The following BCAR3 variants were observed in gnomAD, a reference collection of about 807,000 sequenced individuals.
BCAR3 encodes BCAR3 adaptor protein, NSP family member.
A neutral mutation model predicts 80.1 loss-of-function variants in BCAR3; 37 were observed. The ratio of observed to expected loss-of-function variants is 0.46; its 90% CI spans 0.36 to 0.61. The LOEUF is 0.61. BCAR3 is among the 20% of genes least tolerant of loss of function. The pLI is 0.00. For synonymous variants in BCAR3, 389 were observed against 418.9 expected (o/e 0.93, Z 0.87); for missense variants, 978 against 1,068.2 (o/e 0.92, Z 1.18).
intron 3 of BCAR3, among the ~76,000 whole-genome samples, chr1:93,598,440 G>C (rs1041009222): frequency 6.6e-6 from 1 of 152,104 alleles, no homozygotes; most frequent in African/African-American, 2.4e-5. Flanking sequence ...TGTGCAAATC[G>C]GCAGGAAAGA....
intron 2 of BCAR3, among the ~76,000 whole-genome samples, chr1:93,809,197 G>C (rs1653746263): frequency 6.6e-6 from 1 of 152,130 alleles, no homozygotes; most frequent in Admixed American, 6.5e-5. Context: ...TGAGAATAAT[G>C]ATTTCACTAT....
chr1:93,846,751 G>C (rs1359867369), intron 1 of BCAR3: 1 of 406,058 alleles, frequency 2.5e-6, no homozygotes, highest in East Asian at 1.2e-4. Flanking sequence ...CCCCGGGCGC[G>C]CGGGCTCGGG....
chr1:93,565,906 T>C (rs1672929690), intron 11 of BCAR3, among the ~76,000 whole-genome samples: 1 of 152,216 alleles, frequency 6.6e-6, no homozygotes, highest in East Asian at 1.9e-4. Context: ...TAAAAAATTA[T>C]ATAGTAATGG....
intron 2 of BCAR3, among the ~76,000 whole-genome samples, chr1:93,789,957 C>T (rs1236902339): frequency 1.3e-5 from 2 of 152,124 alleles, no homozygotes; most frequent in East Asian, 3.8e-4. Context: ...AGCCTTGGGA[C>T]TTTAGGGCTA....
intron 1 of BCAR3, chr1:93,846,725 C>A: frequency 5.4e-6 from 2 of 370,222 alleles, no homozygotes; most frequent in Non-Finnish European, 1.1e-5. Context: ...CCGGCTTCCG[C>A]CCACGCAGTC....
rs2100764366 is a variant in BCAR3, at chr1:93,784,294, G to A, written c.-63+61273C>T. 3.3e-5 allele frequency among the ~76,000 whole-genome samples: 5 copies of A among 152,178 alleles called. No individual in the cohort carries two copies. In the South Asian group the frequency reaches 1.0e-3, roughly 32 times the overall value. On this transcript the variant is annotated intron_variant, in intron 2 of 13. Transcript: ENST00000370244. ...TAGATAGTAAAATCTCTAATGAACA[G>A]TAAGGGAATAAACCTAAAATTTAGG...
At chr1:93,771,728 C>T (rs979044997) in intron 2 of BCAR3, among the ~76,000 whole-genome samples, 5 of 152,176 alleles carry the variant, frequency 3.3e-5, no homozygotes, top group African/African-American at 7.2e-5. Context: ...GAACACCTCA[C>T]GCAACACAAG....
rs374969118 is a variant in BCAR3, at chr1:93,614,074, C to T, written c.358-21681G>A. On this transcript the variant is annotated intron_variant, in intron 3 of 11. Transcript: ENST00000260502. The stretch of plus-strand genomic sequence containing the variant: ...GAAGTCGGCAGCCGGGGGAGTGAGT[C>T]GGCTCCTTCTCCCAGGCTAGTCTGG... 517 of 1,431,920 alleles carry T rather than the reference C, an allele frequency of 3.6e-4. 2 individuals carry two copies. The highest frequency in any genetic ancestry group is 3.1e-3 in the South Asian group (198 of 64,446). 88.7% of individuals were successfully genotyped at this position (1,431,920 alleles called of 1,614,324 possible).
At chr1:93,828,966 G>T (rs1449020626) in intron 2 of BCAR3, among the ~76,000 whole-genome samples, 1 of 152,146 alleles carries the variant, frequency 6.6e-6, no homozygotes. Context: ...GTTGTCTGGG[G>T]TATATACCCT....
At chr1:93,785,711 T>C (rs1273687528) in intron 2 of BCAR3, among the ~76,000 whole-genome samples, 1 of 152,184 alleles carries the variant, frequency 6.6e-6, no homozygotes, top group Non-Finnish European at 1.5e-5. Context: ...TGGTGACAGG[T>C]TGTACTTTCC....
chr1:93,617,705 CT>C (rs1675170980), intron 3 of BCAR3, among the ~76,000 whole-genome samples: 1 of 152,222 alleles, frequency 6.6e-6, no homozygotes, highest in Non-Finnish European at 1.5e-5. Context: ...ACAAAGACAG[CT>C]TTAATGAGCC....
chr1:93,832,192 A>G (rs1291551880), intron 2 of BCAR3, among the ~76,000 whole-genome samples: 2 of 152,224 alleles, frequency 1.3e-5, no homozygotes, highest in Non-Finnish European at 2.9e-5. Flanking sequence ...GTAGCCAAGT[A>G]GCAACGTATT....
chr1:93,701,849 G>A (rs189257111), intron 3 of BCAR3, among the ~76,000 whole-genome samples: 1 of 152,290 alleles, frequency 6.6e-6, no homozygotes, highest in African/African-American at 2.4e-5. Flanking sequence ...TCCCTGAGTG[G>A]CCAGTCATCC....
intron 2 of BCAR3, among the ~76,000 whole-genome samples, chr1:93,750,873 C>T (rs1571095889): frequency 6.6e-6 from 1 of 152,180 alleles, no homozygotes. Flanking sequence ...CCCCAGATAT[C>T]GTGGAGCAGT....
intron 3 of BCAR3, among the ~76,000 whole-genome samples, chr1:93,639,293 A>T (rs1675904412): frequency 6.6e-6 from 1 of 152,076 alleles, no homozygotes; most frequent in African/African-American, 2.4e-5. Flanking sequence ...TCCTCCACCC[A>T]GCTCTCTCCT....
intron 3 of BCAR3, among the ~76,000 whole-genome samples, chr1:93,626,833 GT>G (rs1199200337): frequency 6.6e-6 from 1 of 152,214 alleles, no homozygotes; most frequent in African/African-American, 2.4e-5. Flanking sequence ...CAAGCACAGA[GT>G]TTGTGTGAAG....
At chr1:93,566,778 A>G (rs1672969478) in intron 11 of BCAR3, among the ~76,000 whole-genome samples, 1 of 152,180 alleles carries the variant, frequency 6.6e-6, no homozygotes, top group South Asian at 2.1e-4. Context: ...CCCAGGCTGG[A>G]GTGCAGTGGT....
At position 93,589,071 on chromosome 1, in the gene BCAR3, T is replaced by C; in HGVS notation, c.835A>G (p.Thr279Ala). Residue 279 changes from threonine (T) to alanine (A), a missense_variant, in exon 5 of 12, where the codon ACC (threonine) becomes GCC (alanine). Transcript: ENST00000260502. ...SPGQAREGSL[T>A]KGRPDVAKRL... Reference sequence around the variant, plus strand: ...TTGGCCACATCCGGCCTTCCCTTGGTGAGGCTGCCCTCCCGGGCCTGGCCT... The same window carrying C: ...TTGGCCACATCCGGCCTTCCCTTGGCGAGGCTGCCCTCCCGGGCCTGGCCT... The C allele has an allele frequency of 6.2e-7, 1 of 1,612,348 alleles. No individual in the cohort carries two copies. The highest frequency in any genetic ancestry group is 8.5e-7 in the Non-Finnish European group (1 of 1,179,016).
chr1:93,814,893 C>T (rs1396791182), intron 2 of BCAR3, among the ~76,000 whole-genome samples: 4 of 152,178 alleles, frequency 2.6e-5, no homozygotes, highest in South Asian at 2.1e-4. Context: ...GTGCAAACTC[C>T]GCTCCTACCT....
Sources: gnomAD v4.1 joint callset for allele counts (sites outside exome capture counted in the v4.1 genomes callset) on GRCh38, gnomAD v4.1.1 for gene constraint, MANE v1.5 for transcripts, NCBI Gene and HGNC (gene_info 2026-07-23, HGNC 2026-07-21) for gene names.